Variants in FMN1 observed in about 807,000 individuals in gnomAD.
The protein encoded by FMN1 is formin 1.
In FMN1, 110 loss-of-function variants were observed where a neutral mutation model predicts 132.4. That is an observed-to-expected ratio of 0.83 (90% CI 0.71 to 0.97). The LOEUF is 0.97. Among genes scored for constraint, FMN1 ranks in the 50% least tolerant of loss-of-function variants. The pLI is 0.00. For synonymous variants in FMN1, 722 were observed against 651.7 expected, an observed-to-expected ratio of 1.11 and a Z score of -1.64; for missense variants, 1,792 against 1,705.3, an observed-to-expected ratio of 1.05 and a Z score of -0.90.
At chr15:33,139,998 G>T (rs192794913) in intron 4 of FMN1, among the ~76,000 whole-genome samples, 75 of 151,848 alleles carry the variant, frequency 4.9e-4, no homozygotes, top group South Asian at 2.1e-3. Context: ...ATTTCCTGAG[G>T]GAGAGATATT....
At chr15:32,811,231 T>C (rs2057865834) in intron 17 of FMN1, 1 of 374,402 alleles carries the variant, frequency 2.7e-6, no homozygotes, top group Non-Finnish European at 5.3e-6. Context: ...TCCTTGCTGG[T>C]CTTCCTAAGT....
intron 15 of FMN1, 151 bp downstream of exon 15, chr15:32,898,683 G>T: frequency 1.9e-6 from 1 of 539,364 alleles, no homozygotes; most frequent in Non-Finnish European, 3.3e-6. Flanking sequence ...AAACTCTCTT[G>T]GTTTCAGTGT....
At chr15:33,095,371 G>A (rs1411087332) in intron 4 of FMN1, among the ~76,000 whole-genome samples, 4 of 151,978 alleles carry the variant, frequency 2.6e-5, no homozygotes, top group African/African-American at 9.7e-5. Context: ...AAAAAAGAAA[G>A]AATATACTTG....
chr15:33,054,658 A>C (rs1010527490), intron 6 of FMN1, among the ~76,000 whole-genome samples: 1 of 152,210 alleles, frequency 6.6e-6, no homozygotes, highest in South Asian at 2.1e-4. Flanking sequence ...AAGAAAACTA[A>C]ACACTTTGCA....
At chr15:32,792,137 C>T (rs144449236) in intron 19 of FMN1, among the ~76,000 whole-genome samples, 7 of 151,936 alleles carry the variant, frequency 4.6e-5, no homozygotes, top group South Asian at 2.1e-4. Context: ...ATCAGAGCAA[C>T]GAGGCATTTC....
chr15:32,791,256 T>TAA (rs34636398), intron 19 of FMN1, among the ~76,000 whole-genome samples: 2,800 of 141,630 alleles, frequency 0.02, 132 homozygotes, highest in East Asian at 0.17. Context: ...AGCTTTAGTG[T>TAA]AAAAAAAAAA....
intron 5 of FMN1, among the ~76,000 whole-genome samples, chr15:33,074,358 G>C (rs188691328): frequency 6.6e-6 from 1 of 152,302 alleles, no homozygotes; most frequent in African/African-American, 2.4e-5. Flanking sequence ...CTGCCTTCAT[G>C]CTGTGGCGTT....
At chr15:32,917,913 G>A (rs915273745) in intron 10 of FMN1, among the ~76,000 whole-genome samples, 2 of 152,128 alleles carry the variant, frequency 1.3e-5, no homozygotes, top group African/African-American at 2.4e-5. Context: ...CCCATGTTAT[G>A]AAAATTTCAT....
rs148952835 is a variant in FMN1, at chr15:32,875,028, C to A, written c.3835+13144G>T. The stretch of plus-strand genomic sequence containing the variant: ...AGTTTCTGGTCCAGCGGGTCCTGGT[C>A]CTCCATGCTGACTTGGACATATTGC... On this transcript the variant is annotated intron_variant, in intron 16 of 20. Coordinates refer to ENST00000616417, the MANE Select transcript of FMN1 (RefSeq NM_001277313.2). Among the ~76,000 whole-genome samples the A allele has an allele frequency of 2.7e-3, 417 of 152,310 alleles. 3 individuals carry two copies. The highest frequency in any genetic ancestry group is 9.7e-3 in the African/African-American group (403 of 41,564).
At chr15:32,926,898 C>A (rs2060975470) in intron 9 of FMN1, among the ~76,000 whole-genome samples, 2 of 152,160 alleles carry the variant, frequency 1.3e-5, no homozygotes, top group African/African-American at 2.4e-5. Flanking sequence ...GATTCTCCTG[C>A]CTCAGCCTTC....
chr15:32,804,569 T>C (rs1288823206), intron 17 of FMN1, among the ~76,000 whole-genome samples: 1 of 151,456 alleles, frequency 6.6e-6, no homozygotes, highest in African/African-American at 2.4e-5. Flanking sequence ...TACGTGCAGG[T>C]TTGTTACATA....
intron 16 of FMN1, among the ~76,000 whole-genome samples, chr15:32,873,603 T>C (rs1226554289): frequency 6.6e-6 from 1 of 151,528 alleles, no homozygotes; most frequent in African/African-American, 2.4e-5. Flanking sequence ...GTAAAGTGAG[T>C]GTGTGTAAGC....
In FMN1 at chr15:33,061,227, ATG is replaced by A. The variant is rs2037467306; in HGVS notation, c.2161+3728_2161+3729del. On this transcript the variant is annotated intron_variant, in intron 6 of 20. Transcript: ENST00000616417. ...GGGAAGGTACCACAGGTCAGTCCAA[ATG>A]TGTCCTTCACCCAGTCAAGCCCTGT... Among the ~76,000 whole-genome samples, 5 of 152,344 alleles carry A rather than the reference ATG, an allele frequency of 3.3e-5. No homozygotes were observed. In the South Asian group the frequency reaches 1.0e-3, roughly 32 times the overall value.
At chr15:33,036,919 T>C (rs532761469) in intron 6 of FMN1, among the ~76,000 whole-genome samples, 1 of 152,334 alleles carries the variant, frequency 6.6e-6, no homozygotes, top group East Asian at 1.9e-4. Flanking sequence ...GGCAAATATT[T>C]TTAAATTATA....
chr15:32,942,735 T>C (rs1326463537), intron 9 of FMN1, among the ~76,000 whole-genome samples: 1 of 152,130 alleles, frequency 6.6e-6, no homozygotes, highest in East Asian at 1.9e-4. Flanking sequence ...AGTCACAGGG[T>C]TTCCATCTCC....
At chr15:32,945,318 A>C (rs2061486086) in intron 9 of FMN1, among the ~76,000 whole-genome samples, 1 of 152,212 alleles carries the variant, frequency 6.6e-6, no homozygotes, top group East Asian at 1.9e-4. Flanking sequence ...TCCTTTACTA[A>C]AGCTATTGTA....
At chr15:33,072,871 C>T (rs377166615) in intron 5 of FMN1, among the ~76,000 whole-genome samples, 1 of 149,040 alleles carries the variant, frequency 6.7e-6, no homozygotes, top group Non-Finnish European at 1.5e-5. Context: ...TGCAGTGAGC[C>T]GAGATGCACC....
At chr15:32,774,576 A>C (rs905815799) in intron 20 of FMN1, among the ~76,000 whole-genome samples, 7 of 152,100 alleles carry the variant, frequency 4.6e-5, no homozygotes, top group Admixed American at 4.6e-4. Flanking sequence ...ATAACCAGCC[A>C]ATCTACCAAC....
At chr15:33,156,273 GTTTTTTTTTT>G (rs59517614) in intron 3 of FMN1, among the ~76,000 whole-genome samples, 8 of 87,248 alleles carry the variant, frequency 9.2e-5, no homozygotes, top group Admixed American at 6.5e-4. Context: ...CACTCAAGTA[GTTTTTTTTTT>G]TTTTTTTTTT....
Sources: allele counts gnomAD v4.1 joint callset (sites outside exome capture counted in the v4.1 genomes callset), GRCh38; gene constraint gnomAD v4.1.1; transcripts MANE v1.5; gene names NCBI Gene and HGNC (gene_info 2026-07-23, HGNC 2026-07-21).